The following CENPE variants were observed in gnomAD, a reference collection of about 807,000 sequenced individuals.
CENPE encodes centromere protein E.
CENPE carries 145 observed loss-of-function variants against 336.1 expected under a neutral mutation model. The ratio of observed to expected loss-of-function variants is 0.43; its 90% CI spans 0.38 to 0.50. The LOEUF (loss-of-function observed/expected upper bound fraction) is 0.50, where lower values mean the gene tolerates loss of function less well. Among genes scored for constraint, CENPE ranks in the 20% least tolerant of loss-of-function variants. The probability of loss-of-function intolerance (pLI) is 0.00; values close to 1 mark genes in which losing one functional copy is unlikely to be tolerated. For missense variants in CENPE, 2,719 were observed against 3,023.3 expected (o/e 0.90, Z 2.36); for synonymous variants, 1,013 against 984.8 (o/e 1.03, Z -0.54).
At chr4:103,152,707 C>G (rs7684528) in intron 25 of CENPE, among the ~76,000 whole-genome samples, 9,941 of 152,068 alleles carry the variant, frequency 0.065, 1,068 homozygotes, top group African/African-American at 0.23. Flanking sequence ...TGTAGAAAGT[C>G]AAACATAAGA....
chr4:103,134,458 C>A (rs962186803), intron 40 of CENPE, among the ~76,000 whole-genome samples: 7 of 151,856 alleles, frequency 4.6e-5, no homozygotes, highest in Non-Finnish European at 1.0e-4. Context: ...CACAGTGAAA[C>A]CCTGTCTCTA....
At chr4:103,133,627 G>T in intron 41 of CENPE, 68 bp downstream of exon 41, 1 of 1,061,468 alleles carries the variant, frequency 9.4e-7, no homozygotes, top group South Asian at 1.4e-5. Context: ...CTAAGCACAT[G>T]AAAAAGTACC....
At chr4:103,141,470 T>C (rs1752556506) in intron 35 of CENPE, among the ~76,000 whole-genome samples, 1 of 152,178 alleles carries the variant, frequency 6.6e-6, no homozygotes, top group Admixed American at 6.5e-5. Context: ...AATGTATGTA[T>C]CCATTTTCCT....
In CENPE at chr4:103,146,080, G is replaced by C. The variant is rs752681252; in HGVS notation, c.4162C>G (p.Gln1388Glu). ...KIQESQSKQE[Q>E]SLNMKEKDNE... ...TCTTTTTCTTTCATATTTAAGGACT[G>C]TTCTTGTTTGCTTTGAGACTCCTGG... is the stretch of plus-strand genomic sequence containing the variant. Residue 1388 changes from glutamine (Q) to glutamate (E), a missense_variant, in exon 30 of 49, where the codon CAG (glutamine) becomes GAG (glutamate). Physicochemically the swap from Gln to Glu is conservative, Grantham distance 29. Coordinates refer to ENST00000265148, the MANE Select transcript of CENPE (RefSeq NM_001813.3). 1 of 1,613,350 alleles carries C rather than the reference G, an allele frequency of 6.2e-7. No individual in the cohort carries two copies. Among genetic ancestry groups the C allele is most frequent in the Non-Finnish European group, 8.5e-7 (1 of 1,179,752 alleles).
At chr4:103,115,509 T>C (rs1384421711) in intron 45 of CENPE, among the ~76,000 whole-genome samples, 12 of 152,264 alleles carry the variant, frequency 7.9e-5, no homozygotes, top group East Asian at 1.9e-4. Flanking sequence ...CTGAAACCAA[T>C]AGACTGCTTA....
chr4:103,134,082 T>C (rs983104666), intron 40 of CENPE, among the ~76,000 whole-genome samples, 190 bp from the exon 41 acceptor site: 2 of 152,178 alleles, frequency 1.3e-5, no homozygotes, highest in African/African-American at 4.8e-5. Context: ...AATAACTAAC[T>C]CCCAGACCTA....
At position 103,163,562 on chromosome 4, in the gene CENPE, G is replaced by A. The variant is rs1355261929; in HGVS notation, c.1648-9C>T. On this transcript the variant is annotated splice_polypyrimidine_tract_variant and intron_variant, in intron 16 of 48. Transcript: ENST00000265148. ...TCATGAATTAGTTGCATCTGTAAGA[G>A]CATGTGAACAGGTAACAGAGCAAAC... The A allele has an allele frequency of 1.4e-6, 2 of 1,477,800 alleles. No homozygotes were observed. The highest frequency in any genetic ancestry group is 1.8e-6 in the Non-Finnish European group (2 of 1,088,780). 91.5% of individuals were successfully genotyped at this position (1,477,800 alleles called of 1,614,324 possible). A position where few individuals can be genotyped will look rare whatever the true frequency, so the allele number is the denominator to read the frequency against.
At chr4:103,138,582 A>C (rs1752275669) in intron 38 of CENPE, 133 bp from the exon 39 acceptor site, 1 of 648,176 alleles carries the variant, frequency 1.5e-6, no homozygotes, top group Non-Finnish European at 2.7e-6. Context: ...CTCAAAAGCA[A>C]TGTTAAAATG....
chr4:103,176,076 C>A, intron 14 of CENPE, 28 bp from the exon 15 acceptor site: 1 of 1,391,912 alleles, frequency 7.2e-7, no homozygotes, highest in South Asian at 1.3e-5. Flanking sequence ...AAAAATTTGT[C>A]CATGAACATG....
intron 8 of CENPE, among the ~76,000 whole-genome samples, chr4:103,191,622 G>A (rs1440604139): frequency 7.1e-6 from 1 of 141,236 alleles, no homozygotes; most frequent in Non-Finnish European, 1.5e-5. Context: ...CACAGGAAGG[G>A]GAACATCACA....
At chr4:103,142,756 T>C (rs1185870808) in intron 34 of CENPE, among the ~76,000 whole-genome samples, 1 of 152,112 alleles carries the variant, frequency 6.6e-6, no homozygotes, top group Admixed American at 6.5e-5. Context: ...ATGCCTGTAA[T>C]CCCAGCACTT....
chr4:103,191,515 G>A (rs1757327277), intron 8 of CENPE, among the ~76,000 whole-genome samples: 1 of 152,076 alleles, frequency 6.6e-6, no homozygotes, highest in Non-Finnish European at 1.5e-5. Flanking sequence ...GGATGAAGCT[G>A]GAAACCATCA....
chr4:103,188,025 A>G (rs1302229040), intron 8 of CENPE, among the ~76,000 whole-genome samples: 1 of 151,840 alleles, frequency 6.6e-6, no homozygotes, highest in Non-Finnish European at 1.5e-5. Context: ...CTTTAAACCA[A>G]CAAAGATCAA....
intron 42 of CENPE, among the ~76,000 whole-genome samples, chr4:103,130,979 G>A (rs986934179): frequency 6.1e-5 from 9 of 148,012 alleles, no homozygotes; most frequent in African/African-American, 2.2e-4. Context: ...TGGTTTAAAT[G>A]TAAAACAAAA....
Position 103,148,996 on chromosome 4 carries a change from G to T in CENPE, c.3691C>A (p.Leu1231Ile), listed in dbSNP as rs1323048671. The change falls in exon 28 of 49, where the codon CTA (leucine) becomes ATA (isoleucine). Residue 1231 changes from leucine to isoleucine, a missense_variant. By Grantham distance (5) the Leu-to-Ile change is conservative (BLOSUM62 2). Coordinates refer to ENST00000265148, the MANE Select transcript of CENPE (RefSeq NM_001813.3). Reference sequence around the variant, plus strand: ...ATTTTTAGTTCTTCTTTGGTTTGTAGGCCCTTGGCGAGTGAAATTTAAAGA... The same window carrying T: ...ATTTTTAGTTCTTCTTTGGTTTGTATGCCCTTGGCGAGTGAAATTTAAAGA... ...GYIREIEATG[L>I]QTKEELKIAH... The T allele has an allele frequency of 2.5e-6, 4 of 1,608,386 alleles. No homozygotes were observed. The highest frequency in any genetic ancestry group is 3.4e-6 in the Non-Finnish European group (4 of 1,178,776).
intron 38 of CENPE, 58 bp from the exon 39 acceptor site, chr4:103,138,507 T>A: frequency 9.4e-7 from 1 of 1,064,924 alleles, no homozygotes; most frequent in South Asian, 1.3e-5. Flanking sequence ...TCACATATAA[T>A]GTCTAATCGC....
chr4:103,197,956 C>T (rs1757864723), intron 1 of CENPE, among the ~76,000 whole-genome samples: 1 of 152,234 alleles, frequency 6.6e-6, no homozygotes, highest in South Asian at 2.1e-4. Context: ...CGGTCCCATA[C>T]GACTTCTCTA....
chr4:103,106,649 G>A (rs1748929316), intron 48 of CENPE, among the ~76,000 whole-genome samples: 1 of 152,172 alleles, frequency 6.6e-6, no homozygotes, highest in Non-Finnish European at 1.5e-5. Flanking sequence ...AATAAATGGT[G>A]TGCTAAACAA....
chr4:103,195,272 T>A, intron 4 of CENPE, 39 bp from the exon 5 acceptor site: 1 of 1,542,836 alleles, frequency 6.5e-7, no homozygotes, highest in Non-Finnish European at 8.7e-7. Flanking sequence ...CCAGGAAGCA[T>A]CCAATTGTGA....
Sources: gnomAD v4.1 joint callset for allele counts (sites outside exome capture counted in the v4.1 genomes callset) on GRCh38, gnomAD v4.1.1 for gene constraint, MANE v1.5 for transcripts, NCBI Gene and HGNC (gene_info 2026-07-23, HGNC 2026-07-21) for gene names.